Variants in CA10 observed in about 807,000 individuals in gnomAD.
The protein encoded by CA10 is carbonic anhydrase 10 (inactive).
CA10 carries 14 observed loss-of-function variants against 44.2 expected under a neutral mutation model. The ratio of observed to expected loss-of-function variants is 0.32; its 90% CI spans 0.21 to 0.50. The LOEUF is 0.50. Among genes scored for constraint, CA10 ranks in the 20% least tolerant of loss-of-function variants. CA10 has a pLI of 0.99. For missense variants in CA10, 350 were observed against 409.7 expected, an observed-to-expected ratio of 0.85 and a Z score of 1.26; for synonymous variants, 159 against 141.6, an observed-to-expected ratio of 1.12 and a Z score of -0.87.
At chr17:51,679,662 C>T (rs577517526) in intron 4 of CA10, among the ~76,000 whole-genome samples, 7 of 151,830 alleles carry the variant, frequency 4.6e-5, no homozygotes, top group Admixed American at 2.0e-4. Flanking sequence ...TGGGTTGAAG[C>T]GATTCTCCTG....
intron 4 of CA10, among the ~76,000 whole-genome samples, chr17:51,663,093 G>A (rs1044135250): frequency 1.3e-5 from 2 of 152,120 alleles, no homozygotes; most frequent in African/African-American, 4.8e-5. Flanking sequence ...TCATGAGAGT[G>A]AAACAAGATA....
intron 3 of CA10, among the ~76,000 whole-genome samples, chr17:51,914,937 T>C (rs1317550025): frequency 6.6e-6 from 1 of 152,248 alleles, no homozygotes; most frequent in Non-Finnish European, 1.5e-5. Context: ...AAAATATGTA[T>C]GTATAAATGG....
At position 51,745,729 on chromosome 17, in the gene CA10, T is replaced by TA. The variant is rs561934400; in HGVS notation, c.465+1903dup. ...ATAATACAATGTAAAGATTTTAGCC[T>TA]AGTAAACATCTACATTTTATCAATT... On this transcript the variant is annotated intron_variant, in intron 4 of 8. Coordinates refer to ENST00000451037, the MANE Select transcript of CA10 (RefSeq NM_020178.5). 2.0e-4 allele frequency among the ~76,000 whole-genome samples: 30 copies of TA among 152,346 alleles called. No homozygotes were observed. The South Asian group carries it at 5.4e-3, about 27-fold the overall frequency.
chr17:51,831,672 G>GCAGCAGCAGCAT lies in CA10; in HGVS notation c.280-83855_280-83854insATGCTGCTGCTG, dbSNP rs1908251114. ...TGTTCCAAGGAGAAAAGAAAAAGCA[G>GCAGCAGCAGCAT]CAGCAGCAGCAGCAGCAGCAGCAGC... On this transcript the variant is annotated intron_variant, in intron 3 of 8. Transcript: ENST00000451037. 3.4e-4 allele frequency among the ~76,000 whole-genome samples: 14 copies of GCAGCAGCAGCAT among 41,618 alleles called. No individual in the cohort carries two copies. The South Asian group carries it at 0.01, about 30-fold the overall frequency. The allele number at this position is 41,618 out of a possible 152,430, so 27.3% of individuals were successfully genotyped here.
intron 3 of CA10, among the ~76,000 whole-genome samples, chr17:51,902,654 A>G (rs1981369893): frequency 6.6e-6 from 1 of 152,194 alleles, no homozygotes; most frequent in African/African-American, 2.4e-5. Context: ...AAGCCTATCA[A>G]TATATCAGCT....
intron 3 of CA10, among the ~76,000 whole-genome samples, chr17:51,850,447 G>A (rs754717526): frequency 9.9e-5 from 15 of 152,186 alleles, no homozygotes; most frequent in Non-Finnish European, 7.3e-5. Flanking sequence ...TTTGTAGAGT[G>A]GCAAGTGGGT....
At chr17:52,009,312 T>C (rs1985707313) in intron 2 of CA10, among the ~76,000 whole-genome samples, 1 of 151,984 alleles carries the variant, frequency 6.6e-6, no homozygotes, top group African/African-American at 2.4e-5. Flanking sequence ...ATCCATCTAA[T>C]TTTTGTTCTA....
intron 3 of CA10, among the ~76,000 whole-genome samples, chr17:51,809,837 A>G (rs1199499845): frequency 7.2e-5 from 11 of 152,198 alleles, no homozygotes; most frequent in Non-Finnish European, 1.5e-4. Context: ...AGTGAATCAC[A>G]ACTGAGTCCA....
chr17:51,646,951 G>A (rs553346802), intron 6 of CA10, among the ~76,000 whole-genome samples: 1 of 152,200 alleles, frequency 6.6e-6, no homozygotes, highest in Admixed American at 6.5e-5. Flanking sequence ...CCTGTTATTA[G>A]GGGGCCTAAA....
chr17:51,960,186 T>C (rs926489498), intron 2 of CA10, among the ~76,000 whole-genome samples: 17 of 151,968 alleles, frequency 1.1e-4, no homozygotes, highest in African/African-American at 2.2e-4. Context: ...AGAAGAGTCA[T>C]TGAATTTGAA....
chr17:52,101,309 C>A (rs1034228723), intron 1 of CA10, among the ~76,000 whole-genome samples: 1 of 152,094 alleles, frequency 6.6e-6, no homozygotes, highest in Admixed American at 6.6e-5. Flanking sequence ...TATGAGATGG[C>A]GAAGCACCAT....
chr17:51,919,422 A>T (rs1373589384), intron 3 of CA10, among the ~76,000 whole-genome samples: 2 of 152,130 alleles, frequency 1.3e-5, no homozygotes, highest in Non-Finnish European at 2.9e-5. Context: ...TGTCCAGGAG[A>T]TCTACCAGTC....
chr17:51,668,849 C>T (rs1056504346), intron 4 of CA10, among the ~76,000 whole-genome samples: 2 of 152,158 alleles, frequency 1.3e-5, no homozygotes, highest in Non-Finnish European at 2.9e-5. Context: ...GTGGGCTCAG[C>T]GCGCCCACAC....
At chr17:51,875,761 A>T (rs1385280088) in intron 3 of CA10, among the ~76,000 whole-genome samples, 1 of 152,190 alleles carries the variant, frequency 6.6e-6, no homozygotes, top group Non-Finnish European at 1.5e-5. Context: ...CAGGATACAG[A>T]ACAATTCCAA....
intron 6 of CA10, among the ~76,000 whole-genome samples, chr17:51,648,141 C>A (rs764217558): frequency 2.8e-4 from 42 of 152,204 alleles, no homozygotes; most frequent in Non-Finnish European, 4.0e-4. Context: ...CCATACTCTC[C>A]CTTGGCAGTC....
At chr17:52,151,258 A>G (rs1167984541) in intron 1 of CA10, among the ~76,000 whole-genome samples, 1 of 151,952 alleles carries the variant, frequency 6.6e-6, no homozygotes, top group Non-Finnish European at 1.5e-5. Flanking sequence ...GTTTAGTCTA[A>G]CCTATCCACT....
chr17:51,664,807 C>T (rs1211973639), intron 4 of CA10, among the ~76,000 whole-genome samples: 2 of 152,136 alleles, frequency 1.3e-5, no homozygotes, highest in Non-Finnish European at 2.9e-5. Context: ...TATAGTTATT[C>T]ATAAAAGTTT....
At chr17:51,717,277 T>G (rs1236725682) in intron 4 of CA10, among the ~76,000 whole-genome samples, 1 of 151,950 alleles carries the variant, frequency 6.6e-6, no homozygotes, top group Non-Finnish European at 1.5e-5. Context: ...TCCTGGGTGA[T>G]AGGAGCATCT....
At chr17:51,803,916 G>A (rs893522132) in intron 3 of CA10, among the ~76,000 whole-genome samples, 4 of 152,206 alleles carry the variant, frequency 2.6e-5, no homozygotes, top group African/African-American at 9.7e-5. Flanking sequence ...TATGAATTGT[G>A]TAGTAGTTAA....
Sources: allele counts gnomAD v4.1 joint callset (sites outside exome capture counted in the v4.1 genomes callset), GRCh38; gene constraint gnomAD v4.1.1; transcripts MANE v1.5; gene names NCBI Gene and HGNC (gene_info 2026-07-23, HGNC 2026-07-21).